Variants in CDYL observed in about 807,000 individuals in gnomAD.
The protein encoded by CDYL is chromodomain Y-like protein.
Under a neutral mutation model 47.3 loss-of-function variants are expected in CDYL, and 8 were observed. The observed-to-expected ratio is 0.17, with a 90% CI of 0.10 to 0.31. The LOEUF (loss-of-function observed/expected upper bound fraction) is 0.31, where lower values mean the gene tolerates loss of function less well. Ranked by LOEUF, CDYL falls within the 10% of genes least tolerant of loss-of-function variation. CDYL has a pLI of 1.00. For missense variants in CDYL, 471 were observed against 701.4 expected (o/e 0.67, Z 3.71); for synonymous variants, 266 against 265.0 (o/e 1.00, Z -0.04).
At chr6:4,844,001 C>A (rs547606006) in intron 1 of CDYL, among the ~76,000 whole-genome samples, 3 of 152,272 alleles carry the variant, frequency 2.0e-5, no homozygotes, top group Non-Finnish European at 4.4e-5. Context: ...TATTCAGATT[C>A]TTTTGTCCCA....
intron 1 of CDYL, among the ~76,000 whole-genome samples, chr6:4,847,509 A>G (rs1275254324): frequency 6.6e-6 from 1 of 152,206 alleles, no homozygotes; most frequent in Admixed American, 6.5e-5. Context: ...TCTTAACCTG[A>G]TGCCTGAAAC....
intron 3 of CDYL, among the ~76,000 whole-genome samples, chr6:4,765,373 T>C (rs1758236897): frequency 6.6e-6 from 1 of 151,600 alleles, no homozygotes; most frequent in African/African-American, 2.4e-5. Context: ...TTTTTTGAAA[T>C]TTTAAAATAT....
At position 4,734,874 on chromosome 6, in the gene CDYL, T is replaced by G. The variant is rs17138796; in HGVS notation, c.186+30T>G. 2,321 of 1,613,010 alleles carry G rather than the reference T, an allele frequency of 1.4e-3. 26 individuals are homozygous for G. In the African/African-American group the frequency reaches 0.026, roughly 18 times the overall value. ...GTCTTGGTTTCTCCCAGTGGCAAGCTTGGAGTCCATCTGGCAAGGAAGAGC... is the reference window on the plus strand; with the variant it reads ...GTCTTGGTTTCTCCCAGTGGCAAGCGTGGAGTCCATCTGGCAAGGAAGAGC... On this transcript the variant is annotated intron_variant, in intron 3 of 8. Coordinates refer to the CDYL transcript ENST00000328908.
At chr6:4,738,496 A>T (rs557473607) in intron 3 of CDYL, among the ~76,000 whole-genome samples, 1 of 152,358 alleles carries the variant, frequency 6.6e-6, no homozygotes, top group East Asian at 1.9e-4. Context: ...TCACTTTCCC[A>T]TATGATTAGA....
At chr6:4,852,406 T>G (rs1760862918) in intron 1 of CDYL, among the ~76,000 whole-genome samples, 1 of 137,816 alleles carries the variant, frequency 7.3e-6, no homozygotes, top group Non-Finnish European at 1.5e-5. Flanking sequence ...TCCTCCTTCC[T>G]TCCTTCCAAT....
At chr6:4,742,672 C>T (rs1053498515) in intron 3 of CDYL, among the ~76,000 whole-genome samples, 1 of 152,234 alleles carries the variant, frequency 6.6e-6, no homozygotes, top group East Asian at 1.9e-4. Flanking sequence ...GGCAAAGACT[C>T]CCTTTGGGGG....
intron 1 of CDYL, among the ~76,000 whole-genome samples, chr6:4,885,666 C>G (rs888947123): frequency 6.6e-6 from 1 of 152,178 alleles, no homozygotes; most frequent in African/African-American, 2.4e-5. Context: ...TTCAAATTTC[C>G]TTTTGTCTCT....
At chr6:4,836,255 A>G in intron 1 of CDYL, 1 of 984,834 alleles carries the variant, frequency 1.0e-6, no homozygotes, top group Non-Finnish European at 1.2e-6. Flanking sequence ...TAAGTCAGCC[A>G]CAAATGCTAC....
intron 1 of CDYL, among the ~76,000 whole-genome samples, chr6:4,881,058 T>C (rs1581232450): frequency 1.3e-5 from 2 of 152,208 alleles, no homozygotes; most frequent in African/African-American, 4.8e-5. Context: ...TTATGTGGCA[T>C]CATTTGTAGA....
chr6:4,852,544 CT>C lies in CDYL; in HGVS notation c.25-39167del, dbSNP rs772768686. Among the ~76,000 whole-genome samples, 33 of 118,814 alleles carry C rather than the reference CT, an allele frequency of 2.8e-4. 2 individuals are homozygous for C. The highest frequency in any genetic ancestry group is 1.2e-3 in the African/African-American group (29 of 25,124). The allele number at this position is 118,814 out of a possible 152,430, so 77.9% of individuals were successfully genotyped here. A position where few individuals can be genotyped will look rare whatever the true frequency, so the allele number is the denominator to read the frequency against. ...CCTTCCTTCCTTCCAATCTTCCTTC[CT>C]TCCTTCCTTCCTTCCAATCTTCCTT... On this transcript the variant is annotated intron_variant, in intron 1 of 6. Transcript: ENST00000397588.
chr6:4,798,972 C>A (rs919414679), intron 1 of CDYL, among the ~76,000 whole-genome samples: 2 of 152,076 alleles, frequency 1.3e-5, no homozygotes, highest in African/African-American at 2.4e-5. Context: ...ATTATTATTA[C>A]CTTTACTTTC....
intron 1 of CDYL, among the ~76,000 whole-genome samples, chr6:4,797,291 A>G (rs760263046): frequency 1.8e-4 from 27 of 152,336 alleles, no homozygotes; most frequent in Non-Finnish European, 3.5e-4. Flanking sequence ...AAACACATCA[A>G]TAATACTTCT....
intron 1 of CDYL, among the ~76,000 whole-genome samples, chr6:4,786,338 T>G (rs962941104): frequency 1.3e-5 from 2 of 152,216 alleles, no homozygotes; most frequent in African/African-American, 4.8e-5. Flanking sequence ...GGCTGATGTT[T>G]CAGGAAGCTG....
chr6:4,838,273 G>C (rs764116403), intron 1 of CDYL, among the ~76,000 whole-genome samples: 26 of 152,090 alleles, frequency 1.7e-4, no homozygotes, highest in Non-Finnish European at 2.8e-4. Context: ...AGTGTACACT[G>C]TACTCAATGT....
At chr6:4,842,811 G>A (rs547135239) in intron 1 of CDYL, among the ~76,000 whole-genome samples, 34 of 152,106 alleles carry the variant, frequency 2.2e-4, no homozygotes, top group African/African-American at 6.7e-4. Context: ...ACATGGGAAC[G>A]AATATGAAAA....
intron 2 of CDYL, among the ~76,000 whole-genome samples, chr6:4,901,379 C>G (rs1310147401): frequency 6.6e-6 from 1 of 152,132 alleles, no homozygotes; most frequent in Non-Finnish European, 1.5e-5. Flanking sequence ...CAGGTACTGG[C>G]CTTCTGGAAT....
chr6:4,899,763 A>G (rs112491237), intron 2 of CDYL, among the ~76,000 whole-genome samples: 3,575 of 152,294 alleles, frequency 0.023, 147 homozygotes, highest in African/African-American at 0.081. Flanking sequence ...TTAGAATTGC[A>G]TATTCTGATT....
chr6:4,842,991 G>A (rs867131165), intron 1 of CDYL, among the ~76,000 whole-genome samples: 8 of 152,242 alleles, frequency 5.3e-5, no homozygotes, highest in Admixed American at 2.0e-4. Context: ...TTATTGTAGC[G>A]CTGGCTTGGT....
intron 3 of CDYL, 42 bp downstream of exon 3, chr6:4,935,813 C>A: frequency 6.2e-7 from 1 of 1,606,640 alleles, no homozygotes; most frequent in Non-Finnish European, 8.5e-7. Context: ...CGCGCTTCTC[C>A]CTGCCTGATT....
Sources: allele counts gnomAD v4.1 joint callset (sites outside exome capture counted in the v4.1 genomes callset), GRCh38; gene constraint gnomAD v4.1.1; transcripts MANE v1.5; gene names NCBI Gene and HGNC (gene_info 2026-07-23, HGNC 2026-07-21).